IPCEF1: variants seen among roughly 807,000 people sequenced by gnomAD.
IPCEF1 encodes the protein interactor protein for cytohesin exchange factors 1.
A neutral mutation model predicts 50.9 loss-of-function variants in IPCEF1; 31 were observed. That is an observed-to-expected ratio of 0.61 (90% confidence interval 0.46 to 0.82). The LOEUF (loss-of-function observed/expected upper bound fraction) is 0.82, where lower values mean the gene tolerates loss of function less well. IPCEF1 is among the 40% of genes least tolerant of loss of function. The pLI, the probability that IPCEF1 is intolerant of heterozygous loss-of-function variation, is 0.00. For synonymous variants in IPCEF1, 181 were observed against 192.0 expected (o/e 0.94, Z 0.47); for missense variants, 458 against 514.0 (o/e 0.89, Z 1.05).
chr6:154,293,261 T>C (rs1782557184), intron 1 of IPCEF1, among the ~76,000 whole-genome samples: 1 of 152,176 alleles, frequency 6.6e-6, no homozygotes, highest in Non-Finnish European at 1.5e-5. Context: ...AGACAAGGTT[T>C]AGAGTGATAC....
chr6:154,278,155 C>A (rs2128662226), intron 2 of IPCEF1, among the ~76,000 whole-genome samples: 1 of 152,162 alleles, frequency 6.6e-6, no homozygotes, highest in South Asian at 2.1e-4. Flanking sequence ...TTTTTAAACT[C>A]CTGCATAGAA....
intron 1 of IPCEF1, among the ~76,000 whole-genome samples, chr6:154,347,053 C>G (rs963166442): frequency 6.6e-6 from 1 of 152,126 alleles, no homozygotes; most frequent in African/African-American, 2.4e-5. Flanking sequence ...TGAGATTTTC[C>G]TCAAGGCTCA....
At chr6:154,354,775 C>G (rs1374008082) in intron 1 of IPCEF1, among the ~76,000 whole-genome samples, 2 of 152,146 alleles carry the variant, frequency 1.3e-5, no homozygotes, top group Non-Finnish European at 2.9e-5. Flanking sequence ...TCCTCCTCCA[C>G]TCTGATCTTT....
At chr6:154,340,907 A>G (rs952440909) in intron 1 of IPCEF1, among the ~76,000 whole-genome samples, 6 of 107,154 alleles carry the variant, frequency 5.6e-5, no homozygotes, top group Non-Finnish European at 9.5e-5. Flanking sequence ...AGAAATATAT[A>G]TATGTGTGTA....
chr6:154,305,970 T>TGACTTCCTTGCTCC lies in IPCEF1; in HGVS notation c.-61-16228_-61-16215dup, dbSNP rs1477863077. On this transcript the variant is annotated intron_variant, in intron 1 of 11. Coordinates refer to ENST00000367220, the MANE Select transcript of IPCEF1 (RefSeq NM_001130700.2). ...ACTTTTGAGGTTTTGGGACTTGGACTGACTTCCTTGCTCCTCAACTTGCAG... is the reference window on the plus strand; with the variant it reads ...ACTTTTGAGGTTTTGGGACTTGGACTGACTTCCTTGCTCCGACTTCCTTGCTCCTCAACTTGCAG... Among the ~76,000 whole-genome samples, 47 of 152,364 alleles carry TGACTTCCTTGCTCC rather than the reference T, an allele frequency of 3.1e-4. 1 individual carries two copies. Among genetic ancestry groups the TGACTTCCTTGCTCC allele is most frequent in the Admixed American group, 2.9e-3 (44 of 15,306 alleles).
At chr6:154,196,292 G>C (rs995190858) in intron 10 of IPCEF1, among the ~76,000 whole-genome samples, 2 of 152,134 alleles carry the variant, frequency 1.3e-5, no homozygotes, top group Non-Finnish European at 2.9e-5. Context: ...CTAAAGTACT[G>C]TTCACACTCA....
chr6:154,310,067 G>A lies in IPCEF1; in HGVS notation c.-61-20311C>T, dbSNP rs193024985. 2.4e-3 allele frequency among the ~76,000 whole-genome samples: 370 copies of A among 152,118 alleles called. 3 individuals carry two copies. Among genetic ancestry groups the A allele is most frequent in the African/African-American group, 8.1e-3 (337 of 41,520 alleles). On this transcript the variant is annotated intron_variant, in intron 1 of 11. Transcript: ENST00000367220. ...GCGTGAGCCACCACACCCGGCCGTCGCTGTGCATTTTTAAACTTTCCCTTT... is the reference window on the plus strand; with the variant it reads ...GCGTGAGCCACCACACCCGGCCGTCACTGTGCATTTTTAAACTTTCCCTTT...
At chr6:154,326,897 CAGAAATA>C (rs1434307332) in intron 1 of IPCEF1, among the ~76,000 whole-genome samples, 1 of 152,148 alleles carries the variant, frequency 6.6e-6, no homozygotes, top group Non-Finnish European at 1.5e-5. Flanking sequence ...AAAGAGATCT[CAGAAATA>C]AGACCACACA....
chr6:154,175,106 G>A (rs1800203730), intron 10 of IPCEF1, among the ~76,000 whole-genome samples: 1 of 152,136 alleles, frequency 6.6e-6, no homozygotes, highest in African/African-American at 2.4e-5. Flanking sequence ...CAGAAATAAA[G>A]ATGTTCTTTG....
rs1192593496 is a variant in IPCEF1 at position 154,168,898 on chromosome 6, G to A, written c.911-785C>T. 2.7e-5 allele frequency among the ~76,000 whole-genome samples: 4 copies of A among 150,942 alleles called. No homozygotes were observed. The highest frequency in any genetic ancestry group is 4.4e-5 in the Non-Finnish European group (3 of 67,816). On this transcript the variant is annotated intron_variant, in intron 10 of 11. Transcript: ENST00000367220. This position sits in a 1 kb window ranked among gnomAD's most constrained non-coding sequence, Gnocchi z 4.1. ...TGGGATTACAGGTGTGAGCCACCAC[G>A]CCCAGCCCAACATATGAATTTTAGA...
intron 1 of IPCEF1, among the ~76,000 whole-genome samples, chr6:154,327,382 A>C (rs1042078046): frequency 2.0e-5 from 3 of 152,204 alleles, no homozygotes; most frequent in African/African-American, 7.2e-5. Context: ...AAAAACAAAC[A>C]AGCCCATTAA....
At position 154,192,515 on chromosome 6, in the gene IPCEF1, CT is replaced by C. The variant is rs1186098220; in HGVS notation, c.910+7152del. On this transcript the variant is annotated intron_variant, in intron 10 of 11. Coordinates refer to ENST00000367220, the MANE Select transcript of IPCEF1 (RefSeq NM_001130700.2). ...AGAAATGGAAAACCAAACATTTGAA[CT>C]TAATTAAACCAAAAAGCTTCTGCAC... Among the ~76,000 whole-genome samples, 22 of 151,990 alleles carry C rather than the reference CT, an allele frequency of 1.4e-4. 1 individual carries two copies.
At chr6:154,220,619 G>A (rs1220318652) in intron 7 of IPCEF1, among the ~76,000 whole-genome samples, 2 of 152,126 alleles carry the variant, frequency 1.3e-5, no homozygotes, top group African/African-American at 4.8e-5. Context: ...TCCAGCCTGG[G>A]CAACAGAACA....
chr6:154,346,868 T>C (rs1385268803), intron 1 of IPCEF1, among the ~76,000 whole-genome samples: 1 of 152,340 alleles, frequency 6.6e-6, no homozygotes, highest in East Asian at 1.9e-4. Flanking sequence ...CAGTTCAACG[T>C]AAGATTTGGG....
chr6:154,180,414 A>ATATATTT lies in IPCEF1; in HGVS notation c.911-12302_911-12301insAAATATA, dbSNP rs1241250621. On this transcript the variant is annotated intron_variant, in intron 10 of 11. Transcript: ENST00000367220. ...TATATATATATATATATATATATAT[A>ATATATTT]TTTTTTTTTTAAACATGATCCTTCT... Among the ~76,000 whole-genome samples, 102 of 65,240 alleles carry ATATATTT rather than the reference A, an allele frequency of 1.6e-3. 1 individual carries two copies. The highest frequency in any genetic ancestry group is 4.2e-3 in the African/African-American group (87 of 20,832). 42.8% of individuals were successfully genotyped at this position (65,240 alleles called of 152,430 possible).
At chr6:154,333,973 C>T (rs756629218) in intron 1 of IPCEF1, among the ~76,000 whole-genome samples, 3 of 152,008 alleles carry the variant, frequency 2.0e-5, no homozygotes, top group Non-Finnish European at 4.4e-5. Flanking sequence ...TCATGTACAA[C>T]GGATAGCACT....
intron 4 of IPCEF1, 104 bp downstream of exon 4, chr6:154,247,345 G>T (rs1035636525): frequency 3.5e-6 from 3 of 864,834 alleles, no homozygotes; most frequent in Admixed American, 1.9e-5. Flanking sequence ...CCTCTTATTA[G>T]CATTAAGACA....
At chr6:154,307,854 T>C (rs747931369) in intron 1 of IPCEF1, among the ~76,000 whole-genome samples, 2 of 152,210 alleles carry the variant, frequency 1.3e-5, no homozygotes, top group Non-Finnish European at 2.9e-5. Context: ...GTGCCTCCTC[T>C]GTGTACTGTT....
chr6:154,216,810 G>C (rs1419043364), intron 7 of IPCEF1: 1 of 152,396 alleles, frequency 6.6e-6, no homozygotes, highest in African/African-American at 2.4e-5. Context: ...AGAGGTTGCA[G>C]TGAGTTGAGA....
Sources: gnomAD v4.1 joint callset for allele counts (sites outside exome capture counted in the v4.1 genomes callset) on GRCh38, gnomAD v4.1.1 for gene constraint, Gnocchi (gnomAD v3.1) non-coding constraint, MANE v1.5 for transcripts, NCBI Gene and HGNC (gene_info 2026-07-23, HGNC 2026-07-21) for gene names.